The following NOM1 variants were observed in gnomAD, a reference collection of about 807,000 sequenced individuals.
NOM1 encodes the protein nucleolar protein with MIF4G domain 1, also known as nucleolar MIF4G domain-containing protein 1.
NOM1 carries 58 observed loss-of-function variants against 73.3 expected under a neutral mutation model. The ratio of observed to expected loss-of-function variants is 0.79; its 90% confidence interval spans 0.64 to 0.99. The LOEUF (loss-of-function observed/expected upper bound fraction) is 0.99, where lower values mean the gene tolerates loss of function less well. NOM1 is among the 50% of genes least tolerant of loss of function. The pLI, the probability that NOM1 is intolerant of heterozygous loss-of-function variation, is 0.00. For synonymous variants in NOM1, 487 were observed against 446.8 expected (o/e 1.09, Z -1.14); for missense variants, 1,226 against 1,131.9 (o/e 1.08, Z -1.19).
Position 156,968,195 on chromosome 7 carries a change from C to A in NOM1, c.2299-892C>A, listed in dbSNP as rs183880834. ...AGCTCATGGAGGAGGCGTTGCTCCC[C>A]CTCCGCTCCCCTGCCTTGCCTTTCG... is the stretch of plus-strand genomic sequence containing the variant. On this transcript the variant is annotated intron_variant, in intron 9 of 10. Transcript: ENST00000275820. Among the ~76,000 whole-genome samples the A allele has an allele frequency of 8.1e-3, 1,226 of 152,296 alleles. 8 individuals carry two copies. The highest frequency in any genetic ancestry group is 0.013 in the African/African-American group (525 of 41,566).
In NOM1 at chr7:156,949,783, C is replaced by T. The variant is rs1473208173; in HGVS notation, c.46C>T (p.Gln16Ter). 2.1e-5 allele frequency: 30 copies of T among 1,410,794 alleles called. No individual in the cohort carries two copies. Among genetic ancestry groups the T allele is most frequent in the Non-Finnish European group, 2.8e-5 (30 of 1,087,696 alleles). The allele number at this position is 1,410,794 out of a possible 1,614,324, so 87.4% of individuals were successfully genotyped here. The change falls in exon 1 of 11, where the codon CAG becomes TAG. Residue 16 changes from glutamine to a stop codon, truncating the protein, a stop_gained. Coordinates refer to ENST00000275820, the MANE Select transcript of NOM1 (RefSeq NM_138400.2). LOFTEE classifies it high-confidence loss of function. ...SAGEAGPGGS[Q>*]GRVVRMKRRG... ...GGGAGAGGCCGGCCCGGGCGGCTCC[C>T]AGGGACGCGTGGTCCGCATGAAGCG... is the stretch of plus-strand genomic sequence containing the variant.
In NOM1 at chr7:156,969,198, T is replaced by C; in HGVS notation, c.2408+2T>C. On this transcript the variant is annotated splice_donor_variant, in intron 10 of 10. Coordinates refer to ENST00000275820, the MANE Select transcript of NOM1 (RefSeq NM_138400.2). LOFTEE classifies it high-confidence loss of function. ...AGACCTCAGTTTAATTTTCACAAGG[T>C]ATGTGCCCCACCCTTTCCGACGAGA... is the stretch of plus-strand genomic sequence containing the variant. 7.2e-7 allele frequency: 1 copy of C among 1,394,654 alleles called. No homozygotes were observed. Among genetic ancestry groups the C allele is most frequent in the East Asian group, 2.3e-5 (1 of 44,030 alleles). 86.4% of individuals were successfully genotyped at this position (1,394,654 alleles called of 1,614,324 possible).
intron 1 of NOM1, 136 bp downstream of exon 1, chr7:156,950,860 G>A: frequency 4.0e-6 from 3 of 743,848 alleles, no homozygotes; most frequent in Admixed American, 5.8e-5. Flanking sequence ...AATCGAGTAC[G>A]TTACTCTATT....
chr7:156,959,526 G>A (rs372642157), intron 3 of NOM1, among the ~76,000 whole-genome samples: 160 of 152,348 alleles, frequency 1.1e-3, no homozygotes, highest in African/African-American at 3.6e-3. Context: ...GCAGGTGTGA[G>A]CCACCGCACC....
intron 5 of NOM1, 104 bp from the exon 6 acceptor site, chr7:156,962,904 C>T: frequency 7.9e-7 from 1 of 1,262,822 alleles, no homozygotes; most frequent in Non-Finnish European, 1.1e-6. Flanking sequence ...TTCCAGTATT[C>T]ATGCACCAGA....
intron 8 of NOM1, 72 bp downstream of exon 8, chr7:156,966,474 A>G: frequency 6.4e-7 from 1 of 1,571,634 alleles, no homozygotes; most frequent in South Asian, 1.1e-5. Flanking sequence ...GGCTCAACCC[A>G]CCTGCAAAGG....
At position 156,970,663 on chromosome 7, in the gene NOM1, C is replaced by G. The variant is rs1413428811; in HGVS notation, c.*960C>G. 3 of 151,974 alleles carry G rather than the reference C, an allele frequency of 2.0e-5. No individual in the cohort carries two copies. The highest frequency in any genetic ancestry group is 7.3e-5 in the African/African-American group (3 of 41,368). The allele number at this position is 151,974 out of a possible 1,614,324, so 9.4% of individuals were successfully genotyped here. A position where few individuals can be genotyped will look rare whatever the true frequency, so the allele number is the denominator to read the frequency against. ...AGGTGATACACCCATCTCGGCCTCC[C>G]AAAGTGCTGGGATTACAGGCTTGAG... is the stretch of plus-strand genomic sequence containing the variant. On this transcript the variant is annotated 3_prime_UTR_variant, in exon 11 of 11. Transcript: ENST00000275820.
At chr7:156,954,522 C>CTTTTTTTTTTTT (rs34176770) in intron 3 of NOM1, among the ~76,000 whole-genome samples, 6 of 101,656 alleles carry the variant, frequency 5.9e-5, no homozygotes, top group Admixed American at 2.3e-4. Flanking sequence ...TCTGTCCATT[C>CTTTTTTTTTTTT]TTTTTTTTTT....
At chr7:156,959,613 G>A (rs1032166652) in intron 3 of NOM1, among the ~76,000 whole-genome samples, 1 of 152,188 alleles carries the variant, frequency 6.6e-6, no homozygotes, top group African/African-American at 2.4e-5. Flanking sequence ...TTTCCAAGGA[G>A]TCAGAATGGC....
Position 156,973,077 on chromosome 7 carries a change from AT to A in NOM1, c.*3375del, listed in dbSNP as rs1368781685. On this transcript the variant is annotated 3_prime_UTR_variant, in exon 11 of 11. Coordinates refer to ENST00000275820, the MANE Select transcript of NOM1 (RefSeq NM_138400.2). ...AGGTTGAGAACTGCTAATGTATAGA[AT>A]GACTAAACAGCTGTCTTTCAGGGTA... The A allele has an allele frequency of 6.8e-6, 1 of 147,688 alleles. No individual in the cohort carries two copies. Among genetic ancestry groups the A allele is most frequent in the African/African-American group, 2.5e-5 (1 of 39,894 alleles). 9.1% of individuals were successfully genotyped at this position (147,688 alleles called of 1,614,324 possible).
intron 4 of NOM1, among the ~76,000 whole-genome samples, chr7:156,961,063 AGG>A (rs1315802862): frequency 6.6e-6 from 1 of 152,130 alleles, no homozygotes; most frequent in African/African-American, 2.4e-5. Flanking sequence ...AGTGGGCTGA[AGG>A]GATATGGGGC....
At position 156,963,170 on chromosome 7, in the gene NOM1, G is replaced by C. The variant is rs1178446259; in HGVS notation, c.1906G>C (p.Gly636Arg). ...HHTHLQKQLVGTVSSKILELA... is the reference protein window; with the variant it reads ...HHTHLQKQLVRTVSSKILELA... Reference sequence around the variant, plus strand: ...TACGCACCTGCAGAAGCAGCTTGTGGGGACGGTAGGGACACCCATGCTCAA... The same window carrying C: ...TACGCACCTGCAGAAGCAGCTTGTGCGGACGGTAGGGACACCCATGCTCAA... Residue 636 changes from glycine (G) to arginine (R), a missense_variant, in exon 6 of 11, where the codon GGG becomes CGG. Gly to Arg is a moderately radical substitution (Grantham distance 125). Coordinates refer to ENST00000275820, the MANE Select transcript of NOM1 (RefSeq NM_138400.2). The C allele has an allele frequency of 6.2e-7, 1 of 1,613,896 alleles. No homozygotes were observed. The highest frequency in any genetic ancestry group is 1.3e-5 in the African/African-American group (1 of 74,910).
rs145298188 is a variant in NOM1 at position 156,950,533 on chromosome 7, G to T, written c.796G>T (p.Asp266Tyr). 6.2e-7 allele frequency: 1 copy of T among 1,613,850 alleles called. No individual in the cohort carries two copies. Among genetic ancestry groups the T allele is most frequent in the African/African-American group, 1.3e-5 (1 of 74,906 alleles). The change falls in exon 1 of 11, where the codon GAC becomes TAC. Residue 266 changes from aspartate (D) to tyrosine (Y), a missense_variant. By Grantham distance (160) the Asp-to-Tyr change is radical. Coordinates refer to ENST00000275820, the MANE Select transcript of NOM1 (RefSeq NM_138400.2). ...QDESEEEEEG[D>Y]VEKEKKAQEA... ...CGAAAGTGAGGAGGAGGAGGAGGGA[G>T]ACGTAGAAAAGGAAAAGAAGGCGCA...
chr7:156,953,539 C>G (rs1374096978), intron 2 of NOM1, among the ~76,000 whole-genome samples: 1 of 152,174 alleles, frequency 6.6e-6, no homozygotes, highest in Non-Finnish European at 1.5e-5. Flanking sequence ...ACCCCCTTCC[C>G]CCTTGTATTG....
rs1464206808 is a variant in NOM1, at chr7:156,969,898, G to T, written c.*195G>T. Reference sequence around the variant, plus strand: ...AAGCCATTTTCAAATAACTATCTTGGGGGTGAGAGGAGAAGGAGGGAGGGA... The same window carrying T: ...AAGCCATTTTCAAATAACTATCTTGTGGGTGAGAGGAGAAGGAGGGAGGGA... On this transcript the variant is annotated 3_prime_UTR_variant, in exon 11 of 11. Coordinates refer to ENST00000275820, the MANE Select transcript of NOM1 (RefSeq NM_138400.2). The T allele has an allele frequency of 8.4e-6, 4 of 478,450 alleles. No homozygotes were observed. The highest frequency in any genetic ancestry group is 4.1e-5 in the Admixed American group (1 of 24,560). 29.6% of individuals were successfully genotyped at this position (478,450 alleles called of 1,614,324 possible). A position where few individuals can be genotyped will look rare whatever the true frequency, so the allele number is the denominator to read the frequency against.
chr7:156,960,759 A>G (rs556887844), intron 4 of NOM1, among the ~76,000 whole-genome samples: 3 of 152,304 alleles, frequency 2.0e-5, no homozygotes, highest in South Asian at 4.1e-4. Flanking sequence ...CAGGTGAATG[A>G]CAGGTTGGAG....
chr7:156,950,694 T>G lies in NOM1; in HGVS notation c.957T>G (p.Asn319Lys), dbSNP rs1339947947. The G allele has an allele frequency of 5.2e-6, 8 of 1,551,410 alleles. No homozygotes were observed. Among genetic ancestry groups the G allele is most frequent in the Non-Finnish European group, 7.0e-6 (8 of 1,146,912 alleles). ...CAGAAGATGAAGAAAAGAGTGAAAA[T>G]TCCTCGGAGGACGGTGACATAACGG... ...RFAEDEEKSENSSEDGDITDK... is the reference protein window; with the variant it reads ...RFAEDEEKSEKSSEDGDITDK... The change falls in exon 1 of 11, where the codon AAT becomes AAG. Residue 319 changes from asparagine (N) to lysine (K), a missense_variant. Coordinates refer to ENST00000275820, the MANE Select transcript of NOM1 (RefSeq NM_138400.2).
intron 1 of NOM1, among the ~76,000 whole-genome samples, chr7:156,952,241 G>A (rs1292601528): frequency 6.6e-6 from 1 of 152,194 alleles, no homozygotes; most frequent in Non-Finnish European, 1.5e-5. Context: ...AAACGAGATG[G>A]TGAAATGTAT....
At chr7:156,956,135 G>A (rs1563680061) in intron 3 of NOM1, among the ~76,000 whole-genome samples, 1 of 151,870 alleles carries the variant, frequency 6.6e-6, no homozygotes, top group Non-Finnish European at 1.5e-5. Context: ...GGAGTTTGCA[G>A]TGAGCCGAGA....
Sources: gnomAD v4.1 joint callset for allele counts (sites outside exome capture counted in the v4.1 genomes callset) on GRCh38, gnomAD v4.1.1 for gene constraint, MANE v1.5 for transcripts, NCBI Gene and HGNC (gene_info 2026-07-23, HGNC 2026-07-21) for gene names.